Variants in RADIL observed in about 807,000 individuals in gnomAD.
RADIL encodes ras-associating and dilute domain-containing protein.
In RADIL, 99 loss-of-function variants were observed where a neutral mutation model predicts 97.6. The ratio of observed to expected loss-of-function variants is 1.01; its 90% CI spans 0.86 to 1.20. RADIL has a LOEUF of 1.20. RADIL is among the 50% of genes most tolerant of loss of function. RADIL has a pLI of 0.00. For synonymous variants in RADIL, 803 were observed against 691.8 expected, an observed-to-expected ratio of 1.16 and a Z score of -2.52; for missense variants, 1,765 against 1,498.9, an observed-to-expected ratio of 1.18 and a Z score of -2.93.
At chr7:4,812,055 GT>G (rs1330533106) in intron 9 of RADIL, among the ~76,000 whole-genome samples, 1 of 151,718 alleles carries the variant, frequency 6.6e-6, no homozygotes, top group Non-Finnish European at 1.5e-5. Context: ...TTCTGTGTGT[GT>G]TTTTGTAGAG....
chr7:4,815,362 G>T lies in RADIL; in HGVS notation c.2055C>A (p.Gly685=). ...AGAAGTGCTCTCCAGCCGCCCCGAAGCCGGCGCTCCGCATCCACTCCAGGA... is the reference window on the plus strand; with the variant it reads ...AGAAGTGCTCTCCAGCCGCCCCGAATCCGGCGCTCCGCATCCACTCCAGGA... ...QQLLEWMRSA[G]FGAAGEHFFQ... is the part of the protein sequence containing the mutation. Residue 685 remains glycine, a synonymous_variant, in exon 9 of 15, where the codon GGC becomes GGA. Coordinates refer to ENST00000399583, the MANE Select transcript of RADIL (RefSeq NM_018059.5). This position sits in a 1 kb window ranked among gnomAD's most constrained non-coding sequence, Gnocchi z 8.0. 1 of 1,559,918 alleles carries T rather than the reference G, an allele frequency of 6.4e-7. No homozygotes were observed. Among genetic ancestry groups the T allele is most frequent in the Non-Finnish European group, 8.7e-7 (1 of 1,152,786 alleles).
chr7:4,826,516 T>C (rs912324284), intron 5 of RADIL, among the ~76,000 whole-genome samples: 5 of 152,000 alleles, frequency 3.3e-5, no homozygotes, highest in Non-Finnish European at 7.4e-5. Flanking sequence ...GTGGATCATG[T>C]GAGGTCAGGA....
intron 9 of RADIL, among the ~76,000 whole-genome samples, chr7:4,806,875 C>T (rs1782326568): frequency 6.6e-6 from 1 of 152,200 alleles, no homozygotes; most frequent in South Asian, 2.1e-4. Context: ...TCCAAAGCAA[C>T]CTGAGTGCAA....
chr7:4,807,751 C>G lies in RADIL; in HGVS notation c.2140-2035G>C, dbSNP rs114955071. 8.1e-3 allele frequency among the ~76,000 whole-genome samples: 645 copies of G among 79,530 alleles called. 24 individuals are homozygous for G. Among genetic ancestry groups the G allele is most frequent in the African/African-American group, 0.035 (599 of 17,280 alleles). The allele number at this position is 79,530 out of a possible 152,430, so 52.2% of individuals were successfully genotyped here. On this transcript the variant is annotated intron_variant, in intron 9 of 14. Coordinates refer to ENST00000399583, the MANE Select transcript of RADIL (RefSeq NM_018059.5). ...CCTCCGTCTCTCTGCCCTCCCTCCT[C>G]CCTTTCTCCCCCTCCGTCTCTCTCC...
At chr7:4,808,070 CTCTG>C (rs748280066) in intron 9 of RADIL, among the ~76,000 whole-genome samples, 39 of 134,002 alleles carry the variant, frequency 2.9e-4, no homozygotes, top group Non-Finnish European at 5.5e-4. Context: ...CCCTCCCTCC[CTCTG>C]TCTCTCTCCC....
Position 4,799,087 on chromosome 7 carries a change from C to A in RADIL, c.*291G>T. ...CCCACGCCTGCTGCCCGAGTTGAGA[C>A]CCCAGCAGGGCACCCTCTAAGAACG... On this transcript the variant is annotated 3_prime_UTR_variant, in exon 15 of 15. Transcript: ENST00000399583. 1 of 397,682 alleles carries A rather than the reference C, an allele frequency of 2.5e-6. No individual in the cohort carries two copies. The highest frequency in any genetic ancestry group is 4.7e-6 in the Non-Finnish European group (1 of 212,640). 24.6% of individuals were successfully genotyped at this position (397,682 alleles called of 1,614,324 possible).
intron 9 of RADIL, chr7:4,805,940 A>ACTGGCCCCCT: frequency 2.0e-6 from 2 of 985,388 alleles, no homozygotes; most frequent in Non-Finnish European, 2.4e-6. Flanking sequence ...TGCCATCGGG[A>ACTGGCCCCCT]ACCCCCTGCC....
chr7:4,800,971 C>G (rs73671955), intron 12 of RADIL, among the ~76,000 whole-genome samples: 6,601 of 152,308 alleles, frequency 0.043, 177 homozygotes, highest in Middle Eastern at 0.099. Context: ...CCGGCTGGGG[C>G]TGCCTCACCC....
chr7:4,804,767 CAG>C (rs1782237552), intron 10 of RADIL, among the ~76,000 whole-genome samples: 3 of 148,576 alleles, frequency 2.0e-5, no homozygotes, highest in South Asian at 2.1e-4. Context: ...AGCCTGGTGA[CAG>C]AGTGAGACTC....
chr7:4,832,490 G>A (rs1462790843), intron 4 of RADIL, among the ~76,000 whole-genome samples: 1 of 152,170 alleles, frequency 6.6e-6, no homozygotes, highest in African/African-American at 2.4e-5. Flanking sequence ...TGGAATCCCA[G>A]CACTTTGGGA....
In RADIL at chr7:4,812,509, C is replaced by A. The variant is rs534610168; in HGVS notation, c.2139+2769G>T. 2.0e-5 allele frequency among the ~76,000 whole-genome samples: 3 copies of A among 152,036 alleles called. No homozygotes were observed. The East Asian group carries it at 5.8e-4, about 30-fold the overall frequency. ...TGATCTCGGCTCACTGCAGCCTCTG[C>A]CCCCCAGGTTCAAGGGATTCTCCTG... On this transcript the variant is annotated intron_variant, in intron 9 of 14. Coordinates refer to ENST00000399583, the MANE Select transcript of RADIL (RefSeq NM_018059.5).
chr7:4,798,676 C>G lies in RADIL; in HGVS notation c.*702G>C, dbSNP rs1319001847. The G allele has an allele frequency of 6.6e-6, 1 of 152,424 alleles. No homozygotes were observed. The highest frequency in any genetic ancestry group is 1.5e-5 in the Non-Finnish European group (1 of 68,180). The allele number at this position is 152,424 out of a possible 1,614,324, so 9.4% of individuals were successfully genotyped here. ...GGATTAAGGGCCTGGGGCCGCCAGCCTGGTATCAGGGCCACGCTGGTGGCT... is the reference window on the plus strand; with the variant it reads ...GGATTAAGGGCCTGGGGCCGCCAGCGTGGTATCAGGGCCACGCTGGTGGCT... On this transcript the variant is annotated 3_prime_UTR_variant, in exon 15 of 15. Transcript: ENST00000399583.
rs779044636 is a variant in RADIL, at chr7:4,835,063, G to C, written c.960C>G (p.Ile320Met). The stretch of plus-strand genomic sequence containing the variant: ...AGTTGACGGAGATGTGCGCCCCGGG[G>C]ATGGGCTCCAGGACCAGCCTCCCCG... ...QAAGRLVLEP[I>M]PGAHISVNFS... Residue 320 changes from isoleucine to methionine, a missense_variant, in exon 4 of 15, where the codon ATC becomes ATG. Transcript: ENST00000399583. This position sits in a 1 kb window ranked among gnomAD's most constrained non-coding sequence, Gnocchi z 5.8. The C allele has an allele frequency of 1.4e-5, 22 of 1,608,168 alleles. No individual in the cohort carries two copies. The South Asian group carries it at 2.2e-4, about 16-fold the overall frequency.
In RADIL at chr7:4,840,552, A is replaced by AT. The variant is rs1196676626; in HGVS notation, c.536-3948dup. On this transcript the variant is annotated intron_variant, in intron 2 of 14. Coordinates refer to ENST00000399583, the MANE Select transcript of RADIL (RefSeq NM_018059.5). The surrounding 1 kb of genome is among the most constrained non-coding windows in gnomAD (Gnocchi z 5.6). ...GCTTTGCAATTTTAGGGACTGCCTG[A>AT]TTTGGGGGTCTTATATAGGTGTGCT... 1.3e-5 allele frequency among the ~76,000 whole-genome samples: 2 copies of AT among 152,152 alleles called. No individual in the cohort carries two copies. Among genetic ancestry groups the AT allele is most frequent in the East Asian group, 3.9e-4 (2 of 5,186 alleles).
At position 4,834,996 on chromosome 7, in the gene RADIL, C is replaced by T; in HGVS notation, c.1027G>A (p.Asp343Asn). 1 of 1,611,266 alleles carries T rather than the reference C, an allele frequency of 6.2e-7. No homozygotes were observed. Among genetic ancestry groups the T allele is most frequent in the Non-Finnish European group, 8.5e-7 (1 of 1,179,210 alleles). The change falls in exon 4 of 15, where the codon GAC (aspartate) becomes AAC (asparagine). Residue 343 changes from aspartate to asparagine, a missense_variant. Coordinates refer to ENST00000399583, the MANE Select transcript of RADIL (RefSeq NM_018059.5). This position sits in a 1 kb window ranked among gnomAD's most constrained non-coding sequence, Gnocchi z 6.0. ...GHRTVVLHHG[D>N]LLSLGLYYLL... ...TAGTAGAGCCCCAGGGAGAGCAGGTCCCCGTGGTGCAGCACCACGGTCCTG... is the reference window on the plus strand; with the variant it reads ...TAGTAGAGCCCCAGGGAGAGCAGGTTCCCGTGGTGCAGCACCACGGTCCTG...
At chr7:4,801,480 G>C (rs1041328994) in intron 12 of RADIL, among the ~76,000 whole-genome samples, 173 bp downstream of exon 12, 1 of 152,216 alleles carries the variant, frequency 6.6e-6, no homozygotes, top group Non-Finnish European at 1.5e-5. Flanking sequence ...CCAGCTGCTG[G>C]GGGCTGAGCA....
In RADIL at chr7:4,824,388, A is replaced by G. The variant is rs1196022887; in HGVS notation, c.1455-1834T>C. 6.6e-6 allele frequency among the ~76,000 whole-genome samples: 1 copy of G among 152,174 alleles called. No homozygotes were observed. Among genetic ancestry groups the G allele is most frequent in the Non-Finnish European group, 1.5e-5 (1 of 68,026 alleles). On this transcript the variant is annotated intron_variant, in intron 5 of 14. Coordinates refer to ENST00000399583, the MANE Select transcript of RADIL (RefSeq NM_018059.5). This position sits in a 1 kb window ranked among gnomAD's most constrained non-coding sequence, Gnocchi z 6.7. Reference sequence around the variant, plus strand: ...GGCCTGGGGTCCTTTGAAAGGTGCCAAGCCCACAGGAAATGCCACCAGGAC... The same window carrying G: ...GGCCTGGGGTCCTTTGAAAGGTGCCGAGCCCACAGGAAATGCCACCAGGAC...
Position 4,854,329 on chromosome 7 carries a change from A to G in RADIL, c.536-17724T>C, listed in dbSNP as rs1012944527. The stretch of plus-strand genomic sequence containing the variant: ...AATTCCAAACTGATGAGGGGGCATT[A>G]GGTGGGGTTTTCTGTTTGCTTTTGT... On this transcript the variant is annotated intron_variant, in intron 2 of 14. Coordinates refer to ENST00000399583, the MANE Select transcript of RADIL (RefSeq NM_018059.5). The surrounding 1 kb of genome is among the most constrained non-coding windows in gnomAD (Gnocchi z 5.1). Among the ~76,000 whole-genome samples the G allele has an allele frequency of 6.6e-6, 1 of 152,182 alleles. No homozygotes were observed. The highest frequency in any genetic ancestry group is 1.5e-5 in the Non-Finnish European group (1 of 68,022).
chr7:4,860,093 G>C (rs1783942143), intron 2 of RADIL: 1 of 1,613,906 alleles, frequency 6.2e-7, no homozygotes, highest in Admixed American at 1.7e-5. Flanking sequence ...GGAAAATTCA[G>C]TAGCCTGTAT....
Sources: gnomAD v4.1 joint callset for allele counts (sites outside exome capture counted in the v4.1 genomes callset) on GRCh38, gnomAD v4.1.1 for gene constraint, Gnocchi (gnomAD v3.1) non-coding constraint, MANE v1.5 for transcripts, NCBI Gene and HGNC (gene_info 2026-07-23, HGNC 2026-07-21) for gene names.